The following SATB2 variants were observed in gnomAD, a reference collection of about 807,000 sequenced individuals.
SATB2 encodes SATB homeobox 2.
Under a neutral mutation model 73.4 loss-of-function variants are expected in SATB2, and 1 was observed. The ratio of observed to expected loss-of-function variants is 0.01; its 90% CI spans 0.00 to 0.06. The LOEUF is 0.06. SATB2 is among the 10% of genes least tolerant of loss of function. The pLI is 1.00. For missense variants in SATB2, 459 were observed against 945.8 expected, an observed-to-expected ratio of 0.49 and a Z score of 6.75; for synonymous variants, 397 against 367.0, an observed-to-expected ratio of 1.08 and a Z score of -0.93.
In SATB2 at chr2:199,269,779, G is replaced by A. The variant is rs931304273; in HGVS notation, c.*2432C>T. The A allele has an allele frequency of 1.3e-5, 2 of 150,536 alleles. No homozygotes were observed. The highest frequency in any genetic ancestry group is 3.0e-5 in the Non-Finnish European group (2 of 67,772). The allele number at this position is 150,536 out of a possible 1,614,324, so 9.3% of individuals were successfully genotyped here. A position where few individuals can be genotyped will look rare whatever the true frequency, so the allele number is the denominator to read the frequency against. ...TTCTTCTTCCAAATAGATATTATAT[G>A]ACAGATATTGAATAAATAGACATAT... is the stretch of plus-strand genomic sequence containing the variant. On this transcript the variant is annotated 3_prime_UTR_variant, in exon 11 of 11. Transcript: ENST00000417098.
chr2:199,350,889 G>A (rs2105825990), intron 6 of SATB2, among the ~76,000 whole-genome samples: 1 of 151,992 alleles, frequency 6.6e-6, no homozygotes, highest in African/African-American at 2.4e-5. Flanking sequence ...CAGGCATGGT[G>A]GCATGCGCCT....
chr2:199,438,887 A>C (rs989617881), intron 2 of SATB2, among the ~76,000 whole-genome samples: 1 of 152,216 alleles, frequency 6.6e-6, no homozygotes, highest in African/African-American at 2.4e-5. Context: ...GCCCCAAAAA[A>C]CACAGCAAGG....
intron 10 of SATB2, among the ~76,000 whole-genome samples, chr2:199,291,208 T>A (rs1041169173): frequency 6.6e-6 from 1 of 152,186 alleles, no homozygotes; most frequent in Admixed American, 6.5e-5. Flanking sequence ...ATGTATATAT[T>A]TTTTTGCCCC....
intron 7 of SATB2, among the ~76,000 whole-genome samples, chr2:199,344,702 T>C (rs76237250): frequency 1.1e-3 from 167 of 152,316 alleles, no homozygotes; most frequent in Middle Eastern, 3.4e-3. Context: ...CAATGATTGG[T>C]ATCATCACCA....
At chr2:199,320,704 G>A in intron 9 of SATB2, among the ~76,000 whole-genome samples, 1 of 152,044 alleles carries the variant, frequency 6.6e-6, no homozygotes, top group East Asian at 1.9e-4. Flanking sequence ...TCCTTGCATT[G>A]TGCCTGGTTC....
chr2:199,453,129 C>A (rs574614038), intron 2 of SATB2, among the ~76,000 whole-genome samples: 1 of 152,156 alleles, frequency 6.6e-6, no homozygotes, highest in African/African-American at 2.4e-5. Flanking sequence ...AGAGTAACAG[C>A]AGAATTTATT....
chr2:199,421,286 A>G lies in SATB2; in HGVS notation c.346+12052T>C, dbSNP rs1219192545. On this transcript the variant is annotated intron_variant, in intron 3 of 10. Coordinates refer to ENST00000417098, the MANE Select transcript of SATB2 (RefSeq NM_001172509.2). ...ACAGAAGGGAGACAGAGAGATGCTTATCTCTTTTCCATGCCCAGCAGGACC... is the reference window on the plus strand; with the variant it reads ...ACAGAAGGGAGACAGAGAGATGCTTGTCTCTTTTCCATGCCCAGCAGGACC... 2.0e-5 allele frequency among the ~76,000 whole-genome samples: 3 copies of G among 152,218 alleles called. No individual in the cohort carries two copies. In the East Asian group the frequency reaches 5.8e-4, roughly 29 times the overall value.
At chr2:199,299,697 AC>A (rs1317870697) in intron 10 of SATB2, among the ~76,000 whole-genome samples, 1 of 152,100 alleles carries the variant, frequency 6.6e-6, no homozygotes, top group Non-Finnish European at 1.5e-5. Flanking sequence ...AAGAAACTCC[AC>A]AAATATTTGT....
intron 7 of SATB2, among the ~76,000 whole-genome samples, chr2:199,335,029 C>A (rs75743445): frequency 0.016 from 2,360 of 152,156 alleles, 36 homozygotes; most frequent in Non-Finnish European, 0.027. Flanking sequence ...AAAATACTCA[C>A]CCCATCCCCC....
chr2:199,303,440 T>A (rs1365964437), intron 10 of SATB2, among the ~76,000 whole-genome samples: 1 of 152,016 alleles, frequency 6.6e-6, no homozygotes, highest in African/African-American at 2.4e-5. Context: ...TATTACTGGG[T>A]TTTTTAACAG....
At chr2:199,460,223 G>A (rs77903665), upstream of SATB2, among the ~76,000 whole-genome samples, 1 of 152,024 alleles carries the variant, frequency 6.6e-6, no homozygotes, top group Non-Finnish European at 1.5e-5. This position sits in a 1 kb window ranked among gnomAD's most constrained non-coding sequence, Gnocchi z 4.0. Flanking sequence ...AGCAAAAATG[G>A]GTCTAGTAAA....
intron 3 of SATB2, among the ~76,000 whole-genome samples, chr2:199,387,699 T>C (rs1408008290): frequency 1.3e-5 from 2 of 152,220 alleles, no homozygotes; most frequent in African/African-American, 2.4e-5. Flanking sequence ...AAACCGTCTA[T>C]ATCCAGACAA....
chr2:199,421,282 G>A (rs1352429149), intron 3 of SATB2, among the ~76,000 whole-genome samples: 3 of 152,152 alleles, frequency 2.0e-5, no homozygotes, highest in African/African-American at 7.2e-5. Context: ...ACAGAGAGAT[G>A]CTTATCTCTT....
intron 10 of SATB2, among the ~76,000 whole-genome samples, chr2:199,302,802 A>T (rs1687324181): frequency 6.6e-6 from 1 of 152,240 alleles, no homozygotes; most frequent in African/African-American, 2.4e-5. Context: ...GCTGGAGTAG[A>T]AAATCAGGGT....
intron 3 of SATB2, among the ~76,000 whole-genome samples, chr2:199,427,939 G>A (rs1302306737): frequency 6.6e-6 from 1 of 151,780 alleles, no homozygotes; most frequent in African/African-American, 2.4e-5. Context: ...AATAATAAAG[G>A]CATTCATTTT....
At chr2:199,407,995 A>T (rs1690688444) in intron 3 of SATB2, among the ~76,000 whole-genome samples, 1 of 152,220 alleles carries the variant, frequency 6.6e-6, no homozygotes, top group Non-Finnish European at 1.5e-5. Context: ...TCCTTTTATC[A>T]GACTTATAGG....
chr2:199,275,573 G>A (rs1243665217), intron 10 of SATB2, among the ~76,000 whole-genome samples: 2 of 152,058 alleles, frequency 1.3e-5, no homozygotes, highest in Non-Finnish European at 2.9e-5. Flanking sequence ...TACAAACATG[G>A]GGAGTTGTCA....
chr2:199,300,498 A>C (rs1370743067), intron 10 of SATB2, among the ~76,000 whole-genome samples: 1 of 152,066 alleles, frequency 6.6e-6, no homozygotes, highest in Admixed American at 6.6e-5. Context: ...CAAAACTTTT[A>C]AAAAACTTTA....
intron 5 of SATB2, among the ~76,000 whole-genome samples, chr2:199,375,586 T>C (rs576612692): frequency 6.6e-6 from 1 of 152,348 alleles, no homozygotes; most frequent in African/African-American, 2.4e-5. Context: ...TTCAAGAAAG[T>C]ATGAACTATC....
Sources: gnomAD v4.1 joint callset for allele counts (sites outside exome capture counted in the v4.1 genomes callset) on GRCh38, gnomAD v4.1.1 for gene constraint, Gnocchi (gnomAD v3.1) non-coding constraint, MANE v1.5 for transcripts, NCBI Gene and HGNC (gene_info 2026-07-23, HGNC 2026-07-21) for gene names.